The following POLN variants were observed in gnomAD, a reference collection of about 807,000 sequenced individuals.
The protein encoded by POLN is DNA polymerase N.
In POLN, 108 loss-of-function variants were observed where a neutral mutation model predicts 113.5. The observed-to-expected ratio is 0.95, with a 90% CI of 0.81 to 1.12. POLN has a LOEUF of 1.12. Among genes scored for constraint, POLN ranks in the 50% most tolerant of loss-of-function variants. The pLI is 0.00. For missense variants in POLN, 1,097 were observed against 1,077.1 expected, an observed-to-expected ratio of 1.02 and a Z score of -0.26; for synonymous variants, 386 against 391.5, an observed-to-expected ratio of 0.99 and a Z score of 0.17.
intron 19 of POLN, among the ~76,000 whole-genome samples, chr4:2,119,117 T>C (rs1561007886): frequency 1.3e-5 from 2 of 152,348 alleles, no homozygotes; most frequent in East Asian, 3.9e-4. Flanking sequence ...ATTTTCTATA[T>C]TGACAATCAT....
intron 16 of POLN, among the ~76,000 whole-genome samples, chr4:2,150,153 C>T (rs539266186): frequency 2.6e-5 from 4 of 152,068 alleles, no homozygotes; most frequent in African/African-American, 9.6e-5. Context: ...GACACATACA[C>T]ACACACACAA....
chr4:2,189,625 A>C (rs76027083), intron 7 of POLN, among the ~76,000 whole-genome samples: 33,996 of 147,014 alleles, frequency 0.23, 6,187 homozygotes, highest in African/African-American at 0.49. Flanking sequence ...GGCGACAGAG[A>C]GAGACTCCAT....
Position 2,157,915 on chromosome 4 carries a change from A to T in POLN, c.1612-4T>A. The T allele has an allele frequency of 6.2e-7, 1 of 1,600,396 alleles. No homozygotes were observed. The highest frequency in any genetic ancestry group is 8.5e-7 in the Non-Finnish European group (1 of 1,169,624). On this transcript the variant is annotated splice_region_variant and splice_polypyrimidine_tract_variant and intron_variant, in intron 14 of 25. Coordinates refer to ENST00000511885, the MANE Select transcript of POLN (RefSeq NM_181808.4). ...AGGTTGACTTGATCTTGTGAACCTAAGGTGGAAAGACAAGAATAATCATTT... is the reference window on the plus strand; with the variant it reads ...AGGTTGACTTGATCTTGTGAACCTATGGTGGAAAGACAAGAATAATCATTT...
rs563170764 is a variant in POLN, at chr4:2,080,707, G to A, written c.2387+251C>T. The A allele has an allele frequency of 3.6e-6, 5 of 1,391,090 alleles. No homozygotes were observed. The African/African-American group carries it at 4.4e-5, about 12-fold the overall frequency. 86.2% of individuals were successfully genotyped at this position (1,391,090 alleles called of 1,614,324 possible). Reference sequence around the variant, plus strand: ...TGTGCTGTGCAGACACCCCGAGGAGGAGGGGTCTGGGGGAGACAGCATTTC... The same window carrying A: ...TGTGCTGTGCAGACACCCCGAGGAGAAGGGGTCTGGGGGAGACAGCATTTC... On this transcript the variant is annotated intron_variant, in intron 23 of 25. Transcript: ENST00000511885.
intron 7 of POLN, among the ~76,000 whole-genome samples, chr4:2,179,996 G>C (rs879381926): frequency 3.3e-5 from 5 of 152,226 alleles, no homozygotes; most frequent in Non-Finnish European, 7.3e-5. Flanking sequence ...AACAGGTAGT[G>C]TGTGCAAGGC....
intron 23 of POLN, chr4:2,080,205 A>G: frequency 1.0e-6 from 1 of 987,674 alleles, no homozygotes; most frequent in Non-Finnish European, 1.2e-6. Flanking sequence ...CTGGGTCACC[A>G]CTTGCAGCAC....
chr4:2,202,429 AGTT>A (rs1007101851), intron 5 of POLN, among the ~76,000 whole-genome samples: 1 of 152,206 alleles, frequency 6.6e-6, no homozygotes, highest in Non-Finnish European at 1.5e-5. Flanking sequence ...AAGCAACAGC[AGTT>A]AAAAAAGACA....
chr4:2,098,675 G>A (rs1730853403), intron 19 of POLN, among the ~76,000 whole-genome samples: 1 of 152,172 alleles, frequency 6.6e-6, no homozygotes, highest in Admixed American at 6.5e-5. Context: ...ACACAGGTTG[G>A]CATGCATGCA....
intron 17 of POLN, among the ~76,000 whole-genome samples, chr4:2,130,317 G>A (rs1731694290): frequency 6.8e-6 from 1 of 147,904 alleles, no homozygotes; most frequent in Non-Finnish European, 1.5e-5. Flanking sequence ...GAGGGGAGGG[G>A]AGAGAAGAGG....
chr4:2,113,275 T>C (rs1205694001), intron 19 of POLN, among the ~76,000 whole-genome samples: 2 of 147,732 alleles, frequency 1.4e-5, no homozygotes, highest in African/African-American at 2.5e-5. Flanking sequence ...TTAGGAGATA[T>C]ACCTAATGCT....
chr4:2,197,173 TG>T (rs982599035), intron 6 of POLN, among the ~76,000 whole-genome samples: 10 of 152,254 alleles, frequency 6.6e-5, no homozygotes, highest in African/African-American at 2.4e-4. Context: ...GACAGGGAAG[TG>T]ATGTGATCTG....
intron 20 of POLN, among the ~76,000 whole-genome samples, chr4:2,092,579 C>T (rs2108697730): frequency 6.6e-6 from 1 of 152,310 alleles, no homozygotes; most frequent in Admixed American, 6.5e-5. Context: ...AGACCCTGCA[C>T]CTTCTGGGGC....
chr4:2,239,743 T>A (rs1056472641), intron 2 of POLN, among the ~76,000 whole-genome samples: 2 of 152,194 alleles, frequency 1.3e-5, no homozygotes, highest in Admixed American at 6.5e-5. Flanking sequence ...AAAATCTCAG[T>A]CCAGTCTGTA....
chr4:2,168,646 G>A (rs989581996), intron 13 of POLN, among the ~76,000 whole-genome samples: 10 of 152,248 alleles, frequency 6.6e-5, no homozygotes, highest in Admixed American at 2.6e-4. Context: ...AACAGTGCCA[G>A]CTGGTGCCAG....
At chr4:2,240,689 A>AGTTTTACAC in intron 2 of POLN, 1 of 1,614,022 alleles carries the variant, frequency 6.2e-7, no homozygotes, top group Non-Finnish European at 8.5e-7. Context: ...TCAAATCAGA[A>AGTTTTACAC]GTTTTACACG....
At chr4:2,153,748 A>G (rs1732351850) in intron 16 of POLN, among the ~76,000 whole-genome samples, 1 of 151,730 alleles carries the variant, frequency 6.6e-6, no homozygotes, top group Non-Finnish European at 1.5e-5. Context: ...ACGCCCGGCT[A>G]ATTTTTTTTG....
At chr4:2,231,930 A>G (rs145249867) in intron 2 of POLN, 36 of 1,267,480 alleles carry the variant, frequency 2.8e-5, no homozygotes, top group Admixed American at 4.3e-5. Context: ...GTAATTTTCA[A>G]TCTTCAAGAC....
intron 18 of POLN, among the ~76,000 whole-genome samples, chr4:2,128,451 G>T (rs895361844): frequency 6.6e-6 from 1 of 152,170 alleles, no homozygotes; most frequent in Non-Finnish European, 1.5e-5. Context: ...GAATGTGTGC[G>T]TGGAGGGGAG....
chr4:2,240,113 G>C (rs757244298), intron 2 of POLN: 2 of 1,614,018 alleles, frequency 1.2e-6, no homozygotes, highest in Non-Finnish European at 1.7e-6. Flanking sequence ...TTGCTTTTAA[G>C]TGAATTAACT....
Sources: gnomAD v4.1 joint callset for allele counts (sites outside exome capture counted in the v4.1 genomes callset) on GRCh38, gnomAD v4.1.1 for gene constraint, MANE v1.5 for transcripts, NCBI Gene and HGNC (gene_info 2026-07-23, HGNC 2026-07-21) for gene names.